Variants in PGM5 observed in about 807,000 individuals in gnomAD.
PGM5 encodes the protein phosphoglucomutase 5, also known as phosphoglucomutase-like protein 5.
Under a neutral mutation model 59.2 loss-of-function variants are expected in PGM5, and 23 were observed. That is an observed-to-expected ratio of 0.39 (90% CI 0.28 to 0.55). PGM5 has a LOEUF of 0.55. Among genes scored for constraint, PGM5 ranks in the 20% least tolerant of loss-of-function variants. PGM5 has a pLI of 0.66. For synonymous variants in PGM5, 214 were observed against 286.0 expected (o/e 0.75, Z 2.54); for missense variants, 574 against 748.3 (o/e 0.77, Z 2.72).
intron 6 of PGM5, among the ~76,000 whole-genome samples, chr9:68,448,793 T>C (rs1823652475): frequency 6.6e-6 from 1 of 152,214 alleles, no homozygotes; most frequent in African/African-American, 2.4e-5. Flanking sequence ...TGGAGATGCA[T>C]GCAGGGGACA....
At chr9:68,495,134 G>A (rs1824462905) in intron 9 of PGM5, among the ~76,000 whole-genome samples, 2 of 152,160 alleles carry the variant, frequency 1.3e-5, no homozygotes, top group South Asian at 2.1e-4. Flanking sequence ...TCATAACTCA[G>A]CAAGTCCAAA....
intron 1 of PGM5, among the ~76,000 whole-genome samples, chr9:68,358,656 C>T (rs1477852423): frequency 1.3e-5 from 2 of 151,920 alleles, no homozygotes; most frequent in African/African-American, 2.4e-5. Context: ...TTCATTTTCT[C>T]ATTTATTATT....
intron 9 of PGM5, chr9:68,498,097 A>T (rs1824509818): frequency 6.6e-6 from 1 of 152,234 alleles, no homozygotes; most frequent in African/African-American, 2.4e-5. Flanking sequence ...CCACAGGGAA[A>T]ATTCAAGCTG....
intron 4 of PGM5, among the ~76,000 whole-genome samples, chr9:68,390,822 G>A (rs1237724738): frequency 3.9e-5 from 6 of 152,128 alleles, no homozygotes; most frequent in African/African-American, 1.4e-4. Context: ...CTTATGTGTG[G>A]TTATTGCTTC....
At chr9:68,473,945 C>T (rs1247204111) in intron 7 of PGM5, among the ~76,000 whole-genome samples, 14 of 152,042 alleles carry the variant, frequency 9.2e-5, no homozygotes, top group African/African-American at 3.1e-4. Context: ...GCTGCTTTCC[C>T]TTAGCACCAC....
In PGM5 at chr9:68,416,770, G is replaced by A. The variant is rs137927695; in HGVS notation, c.1043+24297G>A. The stretch of plus-strand genomic sequence containing the variant: ...TATCTCAGAAATGTGCTCAATTCTC[G>A]GGCTTTCTGTTTGGTCTCTTTAAGC... On this transcript the variant is annotated intron_variant, in intron 6 of 10. Coordinates refer to ENST00000396396, the MANE Select transcript of PGM5 (RefSeq NM_021965.4). 2.2e-3 allele frequency among the ~76,000 whole-genome samples: 338 copies of A among 152,246 alleles called. 1 individual carries two copies. The highest frequency in any genetic ancestry group is 7.5e-3 in the African/African-American group (313 of 41,534).
intron 1 of PGM5, among the ~76,000 whole-genome samples, chr9:68,375,503 C>T (rs1226242474): frequency 1.3e-5 from 2 of 152,328 alleles, no homozygotes; most frequent in East Asian, 1.9e-4. Flanking sequence ...ATCTGATATT[C>T]CTCTTTCTGC....
chr9:68,363,921 AC>A (rs1834631780), intron 1 of PGM5, among the ~76,000 whole-genome samples: 2 of 152,018 alleles, frequency 1.3e-5, no homozygotes, highest in Non-Finnish European at 2.9e-5. Context: ...AAATGTAAAG[AC>A]CTTTTACTGA....
At chr9:68,484,080 T>A (rs1554687375) in intron 9 of PGM5, 32 bp downstream of exon 9, 1 of 1,601,402 alleles carries the variant, frequency 6.2e-7, no homozygotes, top group Non-Finnish European at 8.5e-7. Context: ...CAACGGGTTA[T>A]CAGGCAGAAC....
intron 10 of PGM5, among the ~76,000 whole-genome samples, chr9:68,518,131 T>G (rs1344211404): frequency 6.6e-6 from 1 of 152,210 alleles, no homozygotes; most frequent in Non-Finnish European, 1.5e-5. Flanking sequence ...GAAATATGGT[T>G]AGTTAAGTAC....
chr9:68,433,284 G>T (rs1823384741), intron 6 of PGM5, among the ~76,000 whole-genome samples: 1 of 152,232 alleles, frequency 6.6e-6, no homozygotes, highest in African/African-American at 2.4e-5. Flanking sequence ...GTGAAATGAG[G>T]AAAGTGGAAC....
At chr9:68,491,607 AAAT>A (rs1232153569) in intron 9 of PGM5, among the ~76,000 whole-genome samples, 2 of 152,240 alleles carry the variant, frequency 1.3e-5, no homozygotes, top group Admixed American at 1.3e-4. Flanking sequence ...AGGTTTAAAA[AAAT>A]AATTTCTACT....
At position 68,498,342 on chromosome 9, in the gene PGM5, CT is replaced by C. The variant is rs1824515255; in HGVS notation, c.1480-884del. 4 of 152,286 alleles carry C rather than the reference CT, an allele frequency of 2.6e-5. No individual in the cohort carries two copies. In the South Asian group the frequency reaches 6.2e-4, roughly 24 times the overall value. The allele number at this position is 152,286 out of a possible 1,614,324, so 9.4% of individuals were successfully genotyped here. A position where few individuals can be genotyped will look rare whatever the true frequency, so the allele number is the denominator to read the frequency against. ...CACAAATGCATATCTGATTGTTCCC[CT>C]GGCCCAGTTTTGTCTGTTATCTTAT... is the stretch of plus-strand genomic sequence containing the variant. On this transcript the variant is annotated intron_variant, in intron 9 of 10. Coordinates refer to ENST00000396396, the MANE Select transcript of PGM5 (RefSeq NM_021965.4).
At chr9:68,418,311 T>C (rs1375691053) in intron 6 of PGM5, among the ~76,000 whole-genome samples, 4 of 152,158 alleles carry the variant, frequency 2.6e-5, no homozygotes, top group African/African-American at 7.2e-5. Flanking sequence ...CTCTGGGAAT[T>C]AGCCCCATGG....
intron 10 of PGM5, among the ~76,000 whole-genome samples, chr9:68,524,583 A>G (rs928581011): frequency 6.6e-6 from 1 of 152,218 alleles, no homozygotes; most frequent in Non-Finnish European, 1.5e-5. Flanking sequence ...AGTTTCCAGG[A>G]CATTCACATA....
chr9:68,463,720 G>T (rs1312088193), intron 6 of PGM5, among the ~76,000 whole-genome samples: 7 of 152,118 alleles, frequency 4.6e-5, no homozygotes, highest in African/African-American at 1.7e-4. Context: ...TAATACAGAT[G>T]CTCTTTGACT....
At chr9:68,494,209 A>T (rs11142650) in intron 9 of PGM5, among the ~76,000 whole-genome samples, 39,346 of 151,950 alleles carry the variant, frequency 0.26, 6,441 homozygotes, top group African/African-American at 0.45. Flanking sequence ...AGGAATTCCT[A>T]CGAAGACTGT....
rs1823463292 is a variant in PGM5 at position 68,437,771 on chromosome 9, AGTT to A, written c.1044-27316_1044-27314del. 6.6e-6 allele frequency among the ~76,000 whole-genome samples: 1 copy of A among 152,176 alleles called. No homozygotes were observed. The highest frequency in any genetic ancestry group is 1.5e-5 in the Non-Finnish European group (1 of 68,038). On this transcript the variant is annotated intron_variant, in intron 6 of 10. Coordinates refer to ENST00000396396, the MANE Select transcript of PGM5 (RefSeq NM_021965.4). The surrounding 1 kb of genome is among the most constrained non-coding windows in gnomAD (Gnocchi z 4.1). ...TGGGGATATTTCATATAAAAATCCA[AGTT>A]GTTGTGGTATTATTGAAAAATTGCA...
At chr9:68,379,453 A>G (rs2131994512) in intron 2 of PGM5, among the ~76,000 whole-genome samples, 1 of 152,326 alleles carries the variant, frequency 6.6e-6, no homozygotes, top group South Asian at 2.1e-4. Context: ...TTCATGTTGA[A>G]TATTTAAAAA....
Sources: allele counts gnomAD v4.1 joint callset (sites outside exome capture counted in the v4.1 genomes callset), GRCh38; gene constraint gnomAD v4.1.1; non-coding constraint Gnocchi (gnomAD v3.1); transcripts MANE v1.5; gene names NCBI Gene and HGNC (gene_info 2026-07-23, HGNC 2026-07-21).